MYO18A: variants seen among roughly 807,000 people sequenced by gnomAD.
The protein encoded by MYO18A is unconventional myosin-XVIIIa.
A neutral mutation model predicts 235.8 loss-of-function variants in MYO18A; 78 were observed. The ratio of observed to expected loss-of-function variants is 0.33; its 90% CI spans 0.28 to 0.40. The LOEUF is 0.40. Among genes scored for constraint, MYO18A ranks in the 10% least tolerant of loss-of-function variants. MYO18A has a pLI of 1.00. For synonymous variants in MYO18A, 977 were observed against 1,077.8 expected (o/e 0.91, Z 1.83); for missense variants, 2,215 against 2,699.3 (o/e 0.82, Z 3.98).
intron 1 of MYO18A, among the ~76,000 whole-genome samples, chr17:29,170,903 A>G (rs74490125): frequency 0.051 from 7,695 of 152,294 alleles, 267 homozygotes; most frequent in Non-Finnish European, 0.073. Flanking sequence ...AAACAACTAA[A>G]GATACACACA....
At position 29,140,720 on chromosome 17, in the gene MYO18A, A is replaced by G. The variant is rs1201256171; in HGVS notation, c.1000-18467T>C. ...CTGATATGGCTCCTAAAAATAGCAGAGGAATTTGAGACCTGCAGCCCCCGG... is the reference window on the plus strand; with the variant it reads ...CTGATATGGCTCCTAAAAATAGCAGGGGAATTTGAGACCTGCAGCCCCCGG... On this transcript the variant is annotated intron_variant, in intron 2 of 41. Coordinates refer to ENST00000527372, the MANE Select transcript of MYO18A (RefSeq NM_078471.4). The surrounding 1 kb of genome is among the most constrained non-coding windows in gnomAD (Gnocchi z 4.2). Among the ~76,000 whole-genome samples the G allele has an allele frequency of 6.6e-6, 1 of 152,010 alleles. No individual in the cohort carries two copies. The highest frequency in any genetic ancestry group is 1.9e-4 in the East Asian group (1 of 5,162).
intron 2 of MYO18A, chr17:29,128,417 C>A: frequency 7.8e-7 from 1 of 1,289,488 alleles, no homozygotes; most frequent in Non-Finnish European, 1.0e-6. Context: ...TGTGGCAGCT[C>A]CCGGGCCGTT....
rs2068610025 is a variant in MYO18A, at chr17:29,179,852, G to GT, written c.-82+460dup. The stretch of plus-strand genomic sequence containing the variant: ...GCCGCTGGGAGGGATAAAAGGGTCG[G>GT]TAGAGGTGCTCCCCTTCCCCGCTGC... On this transcript the variant is annotated intron_variant, in intron 1 of 41. Coordinates refer to ENST00000527372, the MANE Select transcript of MYO18A (RefSeq NM_078471.4). Among the ~76,000 whole-genome samples, 6 of 152,140 alleles carry GT rather than the reference G, an allele frequency of 3.9e-5. No individual in the cohort carries two copies. The South Asian group carries it at 1.2e-3, about 31-fold the overall frequency.
chr17:29,101,944 C>G (rs988890127), intron 21 of MYO18A, among the ~76,000 whole-genome samples: 7 of 152,176 alleles, frequency 4.6e-5, no homozygotes, highest in Admixed American at 6.5e-5. Flanking sequence ...TCTGAGCCCC[C>G]CCAGAGTCCT....
rs768213621 is a variant in MYO18A, at chr17:29,087,120, C to T, written c.5528G>A (p.Ser1843Asn). The T allele has an allele frequency of 1.2e-6, 2 of 1,612,374 alleles. No individual in the cohort carries two copies. Among genetic ancestry groups the T allele is most frequent in the South Asian group, 1.1e-5 (1 of 90,844 alleles). The part of the protein sequence containing the change: ...FERTQVKRLE[S>N]LASRLKENME... ...GTTTTCCTTGAGACGGCTAGCCAGGCTCTGGATAGGTAGGTGGGGAAGAAA... is the reference window on the plus strand; with the variant it reads ...GTTTTCCTTGAGACGGCTAGCCAGGTTCTGGATAGGTAGGTGGGGAAGAAA... The change falls in exon 38 of 42, where the codon AGC (serine) becomes AAC (asparagine). Residue 1843 changes from serine to asparagine, a missense_variant and splice_region_variant. By Grantham distance (46) the Ser-to-Asn change is conservative (BLOSUM62 1). Transcript: ENST00000527372.
intron 41 of MYO18A, chr17:29,080,253 G>C (rs1230031195): frequency 1.0e-6 from 1 of 985,952 alleles, no homozygotes; most frequent in Non-Finnish European, 1.2e-6. Flanking sequence ...TGTAGCTCAA[G>C]ACCTCGTTGA....
Position 29,094,536 on chromosome 17 carries a change from G to A in MYO18A, c.4710+114C>T, listed in dbSNP as rs1327604622. 2.8e-6 allele frequency: 3 copies of A among 1,059,932 alleles called. No homozygotes were observed. The East Asian group carries it at 7.1e-5, about 25-fold the overall frequency. The allele number at this position is 1,059,932 out of a possible 1,614,324, so 65.7% of individuals were successfully genotyped here. A position where few individuals can be genotyped will look rare whatever the true frequency, so the allele number is the denominator to read the frequency against. On this transcript the variant is annotated intron_variant, in intron 30 of 41. Coordinates refer to ENST00000527372, the MANE Select transcript of MYO18A (RefSeq NM_078471.4). Reference sequence around the variant, plus strand: ...CCACATTTTGTGAGTAGGTGAGTGAGTGAATACGCGAATGAATGGAGGCAG... The same window carrying A: ...CCACATTTTGTGAGTAGGTGAGTGAATGAATACGCGAATGAATGGAGGCAG...
chr17:29,158,671 A>G lies in MYO18A; in HGVS notation c.999+7271T>C, dbSNP rs1011996862. Among the ~76,000 whole-genome samples, 2 of 152,146 alleles carry G rather than the reference A, an allele frequency of 1.3e-5. No individual in the cohort carries two copies. Among genetic ancestry groups the G allele is most frequent in the South Asian group, 2.1e-4 (1 of 4,830 alleles). On this transcript the variant is annotated intron_variant, in intron 2 of 41. Transcript: ENST00000527372. This position sits in a 1 kb window ranked among gnomAD's most constrained non-coding sequence, Gnocchi z 4.3. Reference sequence around the variant, plus strand: ...GTCACCAGTCCCCACCGTCCCCCCAAGACTGCAGTGAGTAGAATACAGCAG... The same window carrying G: ...GTCACCAGTCCCCACCGTCCCCCCAGGACTGCAGTGAGTAGAATACAGCAG...
rs1227351734 is a variant in MYO18A at position 29,094,864 on chromosome 17, G to C, written c.4510-14C>G. The stretch of plus-strand genomic sequence containing the variant: ...CATGTCTTTTTCCTGGAGCAAAAGA[G>C]ATGAGGCTGGTGCAGGGCTGACCCC... On this transcript the variant is annotated splice_polypyrimidine_tract_variant and intron_variant, in intron 29 of 41. Transcript: ENST00000527372. 6.2e-7 allele frequency: 1 copy of C among 1,614,076 alleles called. No homozygotes were observed. Among genetic ancestry groups the C allele is most frequent in the South Asian group, 1.1e-5 (1 of 91,090 alleles).
intron 33 of MYO18A, 79 bp downstream of exon 33, chr17:29,092,776 G>C (rs2066428168): frequency 1.4e-5 from 22 of 1,551,506 alleles, no homozygotes; most frequent in Non-Finnish European, 1.9e-5. Context: ...AAGAACCACT[G>C]AGAGGAGCGA....
In MYO18A at chr17:29,109,399, G is replaced by A. The variant is rs115015412; in HGVS notation, c.3331+459C>T. Among the ~76,000 whole-genome samples, 337 of 152,192 alleles carry A rather than the reference G, an allele frequency of 2.2e-3. 1 individual carries two copies. Among genetic ancestry groups the A allele is most frequent in the African/African-American group, 7.3e-3 (304 of 41,528 alleles). On this transcript the variant is annotated intron_variant, in intron 19 of 41. Transcript: ENST00000527372. This position sits in a 1 kb window ranked among gnomAD's most constrained non-coding sequence, Gnocchi z 4.1. ...CACTAATACTATCATCCTGTCTGTC[G>A]CCTCCTTTAGATGGGTCCATAAAAA...
intron 40 of MYO18A, among the ~76,000 whole-genome samples, chr17:29,083,536 A>ACG (rs2066174846): frequency 5.3e-5 from 8 of 151,294 alleles, no homozygotes; most frequent in African/African-American, 1.9e-4. Context: ...GCGCGCGCAC[A>ACG]CACACACACA....
Position 29,121,862 on chromosome 17 carries a change from C to T in MYO18A, c.1183G>A (p.Asp395Asn), listed in dbSNP as rs1212404115. 1.9e-6 allele frequency: 3 copies of T among 1,613,850 alleles called. No individual in the cohort carries two copies. The highest frequency in any genetic ancestry group is 2.2e-5 in the East Asian group (1 of 44,896). ...DGAILDVDED[D>N]VEKANAPSCD... The stretch of plus-strand genomic sequence containing the variant: ...CCCTGCCCACCTACCTTCTCAACGT[C>T]ATCCTCATCCACATCCAGGATGGCC... The change falls in exon 4 of 42, where the codon GAC (aspartate) becomes AAC (asparagine). Residue 395 changes from aspartate (D) to asparagine (N), a missense_variant. Asp to Asn is a conservative substitution (Grantham distance 23). Coordinates refer to ENST00000527372, the MANE Select transcript of MYO18A (RefSeq NM_078471.4). The surrounding 1 kb of genome is among the most constrained non-coding windows in gnomAD (Gnocchi z 4.2).
At chr17:29,088,770 G>A (rs867448481) in intron 37 of MYO18A, among the ~76,000 whole-genome samples, 25 of 152,370 alleles carry the variant, frequency 1.6e-4, no homozygotes, top group African/African-American at 6.0e-4. Flanking sequence ...CAGCATGGTG[G>A]CTCATGCCTG....
chr17:29,124,751 G>GC, intron 2 of MYO18A: 5 of 1,205,056 alleles, frequency 4.1e-6, no homozygotes, highest in Non-Finnish European at 5.4e-6. Context: ...CCACTGGCAC[G>GC]CCCCCTTCAG....
chr17:29,118,441 C>G lies in MYO18A; in HGVS notation c.1830-1G>C. ...CAAGTGGTTGAGGTGGAGCTCTGTC[C>G]TAGGGGTACAAATAAGGCATCAGCA... On this transcript the variant is annotated splice_acceptor_variant, in intron 8 of 41. Coordinates refer to ENST00000527372, the MANE Select transcript of MYO18A (RefSeq NM_078471.4). LOFTEE classifies it high-confidence loss of function. The surrounding 1 kb of genome is among the most constrained non-coding windows in gnomAD (Gnocchi z 4.2). The G allele has an allele frequency of 6.3e-7, 1 of 1,599,122 alleles. No homozygotes were observed. The highest frequency in any genetic ancestry group is 8.6e-7 in the Non-Finnish European group (1 of 1,168,428).
At chr17:29,145,792 G>T (rs1293327466) in intron 2 of MYO18A, among the ~76,000 whole-genome samples, 1 of 152,170 alleles carries the variant, frequency 6.6e-6, no homozygotes, top group Non-Finnish European at 1.5e-5. Context: ...TTCAAGTCAG[G>T]GACGTCAATA....
chr17:29,124,619 C>T (rs1328488396), intron 2 of MYO18A: 7 of 1,264,208 alleles, frequency 5.5e-6, no homozygotes, highest in Admixed American at 4.8e-5. Flanking sequence ...CTGGAGGGAG[C>T]GGAGGGCTCC....
At chr17:29,170,798 T>C (rs2068384523) in intron 1 of MYO18A, among the ~76,000 whole-genome samples, 1 of 152,178 alleles carries the variant, frequency 6.6e-6, no homozygotes, top group Non-Finnish European at 1.5e-5. Flanking sequence ...CCGAAGGCAA[T>C]GACCATCAAC....
Sources: gnomAD v4.1 joint callset for allele counts (sites outside exome capture counted in the v4.1 genomes callset) on GRCh38, gnomAD v4.1.1 for gene constraint, Gnocchi (gnomAD v3.1) non-coding constraint, MANE v1.5 for transcripts, NCBI Gene and HGNC (gene_info 2026-07-23, HGNC 2026-07-21) for gene names.